The following CACNB4 variants were observed in gnomAD, a reference collection of about 807,000 sequenced individuals.
CACNB4 encodes voltage-dependent L-type calcium channel subunit beta-4.
Under a neutral mutation model 71.2 loss-of-function variants are expected in CACNB4, and 32 were observed. The observed-to-expected ratio is 0.45, with a 90% confidence interval of 0.34 to 0.60. The LOEUF is 0.60. Ranked by LOEUF, CACNB4 falls within the 20% of genes least tolerant of loss-of-function variation. CACNB4 has a pLI of 0.01. For missense variants in CACNB4, 464 were observed against 647.9 expected, an observed-to-expected ratio of 0.72 and a Z score of 3.08; for synonymous variants, 231 against 236.9, an observed-to-expected ratio of 0.97 and a Z score of 0.23.
At chr2:151,864,221 G>A (rs1376099502) in intron 9 of CACNB4, among the ~76,000 whole-genome samples, 2 of 152,128 alleles carry the variant, frequency 1.3e-5, no homozygotes, top group African/African-American at 4.8e-5. Flanking sequence ...TGGCCAGTAG[G>A]TAAAAGACTA....
intron 2 of CACNB4, among the ~76,000 whole-genome samples, chr2:151,933,259 T>A (rs1442627271): frequency 1.3e-5 from 2 of 151,786 alleles, no homozygotes; most frequent in Non-Finnish European, 2.9e-5. Context: ...AGTGTCTCGA[T>A]GTTGGCCTTA....
chr2:152,035,396 A>C (rs907441534), intron 2 of CACNB4, among the ~76,000 whole-genome samples: 4 of 152,164 alleles, frequency 2.6e-5, no homozygotes, highest in Non-Finnish European at 5.9e-5. Flanking sequence ...CCCCATCTCT[A>C]CTAAAAATAC....
At chr2:151,979,361 TA>T (rs937392260) in intron 2 of CACNB4, among the ~76,000 whole-genome samples, 6 of 150,538 alleles carry the variant, frequency 4.0e-5, no homozygotes, top group Non-Finnish European at 5.9e-5. Context: ...GTAGGCAAGG[TA>T]AAAAAAATTC....
chr2:152,018,722 T>C lies in CACNB4; in HGVS notation c.147+79608A>G, dbSNP rs149352017. Among the ~76,000 whole-genome samples the C allele has an allele frequency of 7.5e-4, 114 of 151,828 alleles. 1 individual carries two copies. The highest frequency in any genetic ancestry group is 5.0e-3 in the East Asian group (26 of 5,152). ...GGAGGCTGAGATAGGAGAATCACTTTGAGCCCGGGAGAGCCAGGCTGCAGT... is the reference window on the plus strand; with the variant it reads ...GGAGGCTGAGATAGGAGAATCACTTCGAGCCCGGGAGAGCCAGGCTGCAGT... On this transcript the variant is annotated intron_variant, in intron 2 of 13. Transcript: ENST00000539935.
chr2:151,918,578 A>G (rs1020180990), intron 2 of CACNB4, among the ~76,000 whole-genome samples: 2 of 152,226 alleles, frequency 1.3e-5, no homozygotes, highest in Non-Finnish European at 2.9e-5. Context: ...ACACAAGCAC[A>G]TAGATGCTCC....
intron 2 of CACNB4, among the ~76,000 whole-genome samples, chr2:152,027,059 A>C (rs1684020272): frequency 6.6e-6 from 1 of 152,138 alleles, no homozygotes; most frequent in African/African-American, 2.4e-5. Flanking sequence ...GGCACATGCC[A>C]CCATGCCCGG....
At chr2:152,034,336 C>T (rs1684443842) in intron 2 of CACNB4, among the ~76,000 whole-genome samples, 1 of 152,170 alleles carries the variant, frequency 6.6e-6, no homozygotes, top group South Asian at 2.1e-4. Context: ...ATGCAGGTGG[C>T]AGTACCTAGT....
At chr2:151,957,260 G>GTATGTGTA (rs1191446339) in intron 2 of CACNB4, among the ~76,000 whole-genome samples, 79 of 138,816 alleles carry the variant, frequency 5.7e-4, no homozygotes, top group Non-Finnish European at 1.1e-3. Context: ...GGCTGGGCGT[G>GTATGTGTA]TGTGTGTGTG....
In CACNB4 at chr2:152,098,537, A is replaced by C; in HGVS notation, c.64-124T>G. ...CTGGGGTCCCCTAGAGCCCGCACCC[A>C]AGTCTCCTCCGCGACTCCCAAATAC... On this transcript the variant is annotated intron_variant, in intron 1 of 13. Coordinates refer to ENST00000539935, the MANE Select transcript of CACNB4 (RefSeq NM_000726.5). The surrounding 1 kb of genome is among the most constrained non-coding windows in gnomAD (Gnocchi z 5.3). The C allele has an allele frequency of 7.3e-7, 1 of 1,363,358 alleles. No homozygotes were observed. The highest frequency in any genetic ancestry group is 1.2e-5 in the South Asian group (1 of 83,718). 84.5% of individuals were successfully genotyped at this position (1,363,358 alleles called of 1,614,324 possible).
rs1037391503 is a variant in CACNB4, at chr2:151,837,816, T to C, written c.*1303A>G. 4 of 152,192 alleles carry C rather than the reference T, an allele frequency of 2.6e-5. No individual in the cohort carries two copies. Among genetic ancestry groups the C allele is most frequent in the African/African-American group, 9.6e-5 (4 of 41,462 alleles). The allele number at this position is 152,192 out of a possible 1,614,324, so 9.4% of individuals were successfully genotyped here. A position where few individuals can be genotyped will look rare whatever the true frequency, so the allele number is the denominator to read the frequency against. On this transcript the variant is annotated 3_prime_UTR_variant, in exon 14 of 14. Coordinates refer to ENST00000539935, the MANE Select transcript of CACNB4 (RefSeq NM_000726.5). ...AAGGCAGCTCAATCTCCAAATTCTT[T>C]ATAATTTTCTGCATTAAAAATGCTA... is the stretch of plus-strand genomic sequence containing the variant.
intron 2 of CACNB4, among the ~76,000 whole-genome samples, chr2:152,037,133 T>C (rs996255949): frequency 1.3e-5 from 2 of 152,200 alleles, no homozygotes; most frequent in Admixed American, 6.5e-5. Flanking sequence ...TTATGTAGGG[T>C]ATTCTTCCCT....
intron 12 of CACNB4, among the ~76,000 whole-genome samples, chr2:151,845,821 G>A (rs1014338292): frequency 6.6e-6 from 1 of 152,192 alleles, no homozygotes; most frequent in African/African-American, 2.4e-5. Context: ...TGGTGTGGCT[G>A]CCAAAGTAAA....
intron 2 of CACNB4, among the ~76,000 whole-genome samples, chr2:151,885,745 A>G (rs2099849199): frequency 6.6e-6 from 1 of 152,202 alleles, no homozygotes; most frequent in Non-Finnish European, 1.5e-5. Context: ...GTATTTGTTA[A>G]CTGAATTATA....
chr2:152,012,972 T>C (rs565271093), intron 2 of CACNB4, among the ~76,000 whole-genome samples: 5 of 152,332 alleles, frequency 3.3e-5, no homozygotes, highest in South Asian at 2.1e-4. Flanking sequence ...AAGTGTACCA[T>C]TTTAATCTCT....
intron 2 of CACNB4, among the ~76,000 whole-genome samples, chr2:151,905,878 C>T (rs539267882): frequency 2.0e-5 from 3 of 152,232 alleles, no homozygotes; most frequent in Non-Finnish European, 4.4e-5. Flanking sequence ...GAATTCTCCA[C>T]TTCGTCTATC....
intron 4 of CACNB4, among the ~76,000 whole-genome samples, 178 bp from the exon 5 acceptor site, chr2:151,876,734 G>GACTATATTTTATATAA (rs369528860): frequency 0.77 from 52,097 of 67,650 alleles, 21,614 homozygotes; most frequent in Non-Finnish European, 0.9. Flanking sequence ...CTATACTATA[G>GACTATATTTTATATAA]ACTATATTTT....
chr2:151,918,612 T>C (rs1210730065), intron 2 of CACNB4, among the ~76,000 whole-genome samples: 1 of 152,180 alleles, frequency 6.6e-6, no homozygotes, highest in Non-Finnish European at 1.5e-5. Context: ...CTATAAATAG[T>C]AGAGCTTTAT....
intron 2 of CACNB4, among the ~76,000 whole-genome samples, chr2:151,959,788 A>T (rs896280156): frequency 6.6e-6 from 1 of 152,190 alleles, no homozygotes; most frequent in Non-Finnish European, 1.5e-5. Flanking sequence ...AAGCAGAACA[A>T]TATCATATTT....
intron 2 of CACNB4, among the ~76,000 whole-genome samples, chr2:152,081,460 T>A (rs576588539): frequency 2.6e-5 from 4 of 151,852 alleles, no homozygotes; most frequent in Non-Finnish European, 5.9e-5. Flanking sequence ...AAGTTCAGCC[T>A]GGGTAACACA....
Sources: gnomAD v4.1 joint callset for allele counts (sites outside exome capture counted in the v4.1 genomes callset) on GRCh38, gnomAD v4.1.1 for gene constraint, Gnocchi (gnomAD v3.1) non-coding constraint, MANE v1.5 for transcripts, NCBI Gene and HGNC (gene_info 2026-07-23, HGNC 2026-07-21) for gene names.